Variants in ALDH4A1 observed in about 807,000 individuals in gnomAD.
The protein encoded by ALDH4A1 is delta-1-pyrroline-5-carboxylate dehydrogenase, mitochondrial.
ALDH4A1 carries 46 observed loss-of-function variants against 70.5 expected under a neutral mutation model. The observed-to-expected ratio is 0.65, with a 90% CI of 0.51 to 0.83. ALDH4A1 has a LOEUF of 0.83. ALDH4A1 is among the 40% of genes least tolerant of loss of function. ALDH4A1 has a pLI of 0.00. For missense variants in ALDH4A1, 749 were observed against 766.5 expected (o/e 0.98, Z 0.27); for synonymous variants, 323 against 324.3 (o/e 1.00, Z 0.04).
chr1:18,892,896 G>A (rs28543677), intron 1 of ALDH4A1, among the ~76,000 whole-genome samples: 5,062 of 152,162 alleles, frequency 0.033, 267 homozygotes, highest in African/African-American at 0.11. Flanking sequence ...GAGAAGAATG[G>A]AGAGGCAGCC....
In ALDH4A1 at chr1:18,880,404, C is replaced by T. The variant is rs911888316; in HGVS notation, c.867-1031G>A. ...CTCATCCCCACACGCACCCCAACCC[C>T]AACTCCAGGACAGGCAATGGCCACT... On this transcript the variant is annotated intron_variant, in intron 8 of 14. Coordinates refer to ENST00000375341, the MANE Select transcript of ALDH4A1 (RefSeq NM_003748.4). The surrounding 1 kb of genome is among the most constrained non-coding windows in gnomAD (Gnocchi z 5.1). Among the ~76,000 whole-genome samples, 3 of 152,132 alleles carry T rather than the reference C, an allele frequency of 2.0e-5. No homozygotes were observed. The highest frequency in any genetic ancestry group is 7.2e-5 in the African/African-American group (3 of 41,416).
At chr1:18,877,058 T>C in intron 11 of ALDH4A1, 150 bp downstream of exon 11, 1 of 978,970 alleles carries the variant, frequency 1.0e-6, no homozygotes, top group South Asian at 1.5e-5. Context: ...TTTCTGAAGC[T>C]GGAGGTGCGT....
chr1:18,886,139 C>T (rs1407873037), intron 4 of ALDH4A1, among the ~76,000 whole-genome samples: 1 of 152,204 alleles, frequency 6.6e-6, no homozygotes, highest in Non-Finnish European at 1.5e-5. Flanking sequence ...TCAATGGTGT[C>T]TCCAATTGCC....
In ALDH4A1 at chr1:18,889,708, T is replaced by C. The variant is rs565334514; in HGVS notation, c.157-254A>G. On this transcript the variant is annotated intron_variant, in intron 2 of 14. Coordinates refer to ENST00000375341, the MANE Select transcript of ALDH4A1 (RefSeq NM_003748.4). The stretch of plus-strand genomic sequence containing the variant: ...ATAAAAAAACTGCACCTGAAACTTA[T>C]ATGAAATCTCATGATTTTTAAAATG... 6.6e-5 allele frequency among the ~76,000 whole-genome samples: 10 copies of C among 152,362 alleles called. No homozygotes were observed. In the East Asian group the frequency reaches 9.6e-4, roughly 15 times the overall value.
At position 18,881,822 on chromosome 1, in the gene ALDH4A1, G is replaced by A. The variant is rs60427141; in HGVS notation, c.744C>T (p.Ile248=). The A allele has an allele frequency of 3.1e-3, 5,024 of 1,613,922 alleles. 151 individuals are homozygous for A. In the African/African-American group the frequency reaches 0.057, roughly 18 times the overall value. The stretch of plus-strand genomic sequence containing the variant: ...TGGGGGGCAGGCCAGCCTCCCGAAG[G>A]ATGCGGTAGACAGCATAGCTGGCCA... The part of the protein sequence containing the change: ...AMLASYAVYR[I]LREAGLPPNI... Residue 248 remains isoleucine (I), a synonymous_variant, in exon 8 of 15, where the codon ATC becomes ATT. Transcript: ENST00000375341.
chr1:18,883,518 T>A, intron 5 of ALDH4A1, 90 bp from the exon 6 acceptor site: 1 of 1,572,784 alleles, frequency 6.4e-7, no homozygotes, highest in South Asian at 1.1e-5. Flanking sequence ...AAGCGAGCAC[T>A]GAGCCGGGCC....
At chr1:18,873,384 T>C (rs976726690) in intron 14 of ALDH4A1, among the ~76,000 whole-genome samples, 1 of 152,170 alleles carries the variant, frequency 6.6e-6, no homozygotes, top group Non-Finnish European at 1.5e-5. Flanking sequence ...TCTTCCGTTA[T>C]TCATAACAAG....
At chr1:18,882,647 G>C in intron 7 of ALDH4A1, 1 of 540,966 alleles carries the variant, frequency 1.8e-6, no homozygotes, top group South Asian at 1.4e-5. Flanking sequence ...CTGGCAAAGA[G>C]GCAGAGTCAC....
chr1:18,896,300 A>G (rs1935613139), intron 1 of ALDH4A1, among the ~76,000 whole-genome samples: 1 of 152,184 alleles, frequency 6.6e-6, no homozygotes, highest in South Asian at 2.1e-4. Flanking sequence ...GAGAAATACA[A>G]TCAATGCATG....
intron 3 of ALDH4A1, 148 bp from the exon 4 acceptor site, chr1:18,886,659 G>T: frequency 2.4e-6 from 2 of 840,980 alleles, no homozygotes; most frequent in Non-Finnish European, 3.9e-6. Flanking sequence ...CCTCCCCAGT[G>T]CCCGGCCCAC....
chr1:18,899,080 C>G (rs760694713), intron 1 of ALDH4A1, among the ~76,000 whole-genome samples: 4 of 152,292 alleles, frequency 2.6e-5, no homozygotes, highest in Middle Eastern at 3.4e-3. Context: ...GCCAAGGCCA[C>G]AAAGCACTGG....
chr1:18,881,652 G>GGT (rs66962914), intron 8 of ALDH4A1, 48 bp downstream of exon 8: 27 of 1,460,102 alleles, frequency 1.8e-5, no homozygotes, highest in African/African-American at 6.0e-5. Flanking sequence ...AGGTGAGCAG[G>GGT]TGAACGTCCC....
At chr1:18,891,738 G>A (rs1172088071) in intron 1 of ALDH4A1, among the ~76,000 whole-genome samples, 1 of 152,182 alleles carries the variant, frequency 6.6e-6, no homozygotes, top group Non-Finnish European at 1.5e-5. Flanking sequence ...CAAAAATCAT[G>A]AAGAGAAGGC....
intron 11 of ALDH4A1, 117 bp from the exon 12 acceptor site, chr1:18,876,584 G>A: frequency 7.9e-7 from 1 of 1,263,198 alleles, no homozygotes; most frequent in East Asian, 2.6e-5. Context: ...CCTGAAACAG[G>A]GGCAGGGGTA....
At chr1:18,879,845 G>T (rs1171117859) in intron 8 of ALDH4A1, among the ~76,000 whole-genome samples, 1 of 152,196 alleles carries the variant, frequency 6.6e-6, no homozygotes, top group East Asian at 1.9e-4. Flanking sequence ...AAACCGAGGA[G>T]AGTCCTGGGA....
rs1161563189 is a variant in ALDH4A1, at chr1:18,876,665, G to GTGTGTGTGTGTGTGTGTGTGTGTA, written c.1186-199_1186-198insTACACACACACACACACACACACA. On this transcript the variant is annotated intron_variant, in intron 11 of 14. Transcript: ENST00000375341. ...AGACAAGGACAGACATGAACACTGTGTGTGTGTGTGTGTGTACACACACAA... is the reference window on the plus strand; with the variant it reads ...AGACAAGGACAGACATGAACACTGTGTGTGTGTGTGTGTGTGTGTGTGTATGTGTGTGTGTGTGTACACACACAA... Among the ~76,000 whole-genome samples the GTGTGTGTGTGTGTGTGTGTGTGTA allele has an allele frequency of 1.1e-3, 166 of 152,040 alleles. 2 individuals are homozygous for GTGTGTGTGTGTGTGTGTGTGTGTA. The highest frequency in any genetic ancestry group is 3.9e-3 in the African/African-American group (163 of 41,438).
chr1:18,883,060 T>C, intron 7 of ALDH4A1, 64 bp downstream of exon 7: 3 of 1,607,022 alleles, frequency 1.9e-6, no homozygotes, highest in Non-Finnish European at 2.6e-6. Context: ...GGGTGGCCTC[T>C]GTCTGTCTGT....
At chr1:18,885,002 G>A (rs993949660) in intron 5 of ALDH4A1, among the ~76,000 whole-genome samples, 2 of 152,268 alleles carry the variant, frequency 1.3e-5, no homozygotes, top group South Asian at 2.1e-4. Flanking sequence ...AGCAGTGGGC[G>A]AGCTGGACAG....
chr1:18,882,265 A>G (rs1935007637), intron 7 of ALDH4A1, among the ~76,000 whole-genome samples: 2 of 152,206 alleles, frequency 1.3e-5, no homozygotes, highest in Non-Finnish European at 2.9e-5. Flanking sequence ...AGGCATGTGC[A>G]GCAGCCAGGC....
Sources: gnomAD v4.1 joint callset for allele counts (sites outside exome capture counted in the v4.1 genomes callset) on GRCh38, gnomAD v4.1.1 for gene constraint, Gnocchi (gnomAD v3.1) non-coding constraint, MANE v1.5 for transcripts, NCBI Gene and HGNC (gene_info 2026-07-23, HGNC 2026-07-21) for gene names.